NALF1: variants seen among roughly 807,000 people sequenced by gnomAD.
NALF1 encodes NALCN channel auxiliary factor 1.
NALF1 carries 3 observed loss-of-function variants against 48.4 expected under a neutral mutation model. That is an observed-to-expected ratio of 0.06 (90% CI 0.03 to 0.16). NALF1 has a LOEUF of 0.16. NALF1 is among the 10% of genes least tolerant of loss of function. The pLI, the probability that NALF1 is intolerant of heterozygous loss-of-function variation, is 1.00. For missense variants in NALF1, 526 were observed against 571.5 expected, an observed-to-expected ratio of 0.92 and a Z score of 0.81; for synonymous variants, 262 against 245.7, an observed-to-expected ratio of 1.07 and a Z score of -0.62.
At chr13:107,432,907 T>C (rs1884405543) in intron 1 of NALF1, among the ~76,000 whole-genome samples, 1 of 152,192 alleles carries the variant, frequency 6.6e-6, no homozygotes. Flanking sequence ...TAACTTATGG[T>C]AAATTAGACA....
chr13:107,501,259 C>G (rs1875511787), intron 1 of NALF1, among the ~76,000 whole-genome samples: 1 of 152,076 alleles, frequency 6.6e-6, no homozygotes, highest in Non-Finnish European at 1.5e-5. Context: ...GAGGCTCCAC[C>G]CTCACGACAC....
intron 2 of NALF1, among the ~76,000 whole-genome samples, chr13:107,178,414 A>T (rs144893922): frequency 1.3e-5 from 2 of 152,364 alleles, no homozygotes; most frequent in African/African-American, 4.8e-5. Context: ...GACATTTCTC[A>T]AAAGGAGACA....
At chr13:107,431,228 G>C (rs1229102731) in intron 1 of NALF1, among the ~76,000 whole-genome samples, 5 of 152,032 alleles carry the variant, frequency 3.3e-5, no homozygotes, top group Non-Finnish European at 5.9e-5. Context: ...TCTTCATGTT[G>C]TCCTAATAAA....
At chr13:107,718,274 G>A (rs565824849) in intron 1 of NALF1, among the ~76,000 whole-genome samples, 8 of 152,200 alleles carry the variant, frequency 5.3e-5, no homozygotes, top group East Asian at 1.9e-4. Context: ...ATGCAGTTCC[G>A]GATAAGATTG....
chr13:107,802,689 A>G (rs1226207396), intron 1 of NALF1, among the ~76,000 whole-genome samples: 1 of 152,140 alleles, frequency 6.6e-6, no homozygotes, highest in African/African-American at 2.4e-5. Flanking sequence ...AGTGTGTAAT[A>G]CCCAGCATGA....
chr13:107,353,461 T>C (rs895292110), intron 1 of NALF1, among the ~76,000 whole-genome samples: 2 of 152,236 alleles, frequency 1.3e-5, no homozygotes, highest in African/African-American at 4.8e-5. Context: ...CATTGCCACC[T>C]GGCAAAGTTC....
intron 1 of NALF1, among the ~76,000 whole-genome samples, chr13:107,524,636 C>T (rs1221718880): frequency 2.0e-5 from 3 of 152,012 alleles, no homozygotes; most frequent in Non-Finnish European, 2.9e-5. Flanking sequence ...AACATTTTGC[C>T]TCCCAAAGCC....
intron 1 of NALF1, among the ~76,000 whole-genome samples, chr13:107,760,914 G>A (rs911360660): frequency 1.3e-5 from 2 of 152,184 alleles, no homozygotes; most frequent in East Asian, 3.8e-4. Context: ...GAAGAAAGGA[G>A]CTAATAGTTA....
intron 1 of NALF1, among the ~76,000 whole-genome samples, chr13:107,656,047 C>G (rs533132896): frequency 6.6e-6 from 1 of 151,606 alleles, no homozygotes; most frequent in South Asian, 2.1e-4. Context: ...GACCTGAAAT[C>G]ATAAAGATTC....
At chr13:107,292,093 G>C (rs1024394416) in intron 1 of NALF1, among the ~76,000 whole-genome samples, 2 of 152,166 alleles carry the variant, frequency 1.3e-5, no homozygotes, top group Non-Finnish European at 2.9e-5. Flanking sequence ...ACATTCCCAG[G>C]CTATATGGCA....
chr13:107,627,014 T>C lies in NALF1; in HGVS notation c.915+238668A>G, dbSNP rs114432441. On this transcript the variant is annotated intron_variant, in intron 1 of 2. Coordinates refer to ENST00000375915, the MANE Select transcript of NALF1 (RefSeq NM_001080396.3). ...GCACATTGTTCCTCATTCTTCTCTA[T>C]GACATTATACAAGGAGCAATTCTCC... is the stretch of plus-strand genomic sequence containing the variant. 5.0e-3 allele frequency among the ~76,000 whole-genome samples: 765 copies of C among 152,218 alleles called. 11 individuals carry two copies. The highest frequency in any genetic ancestry group is 0.018 in the African/African-American group (742 of 41,560).
chr13:107,419,366 T>C (rs1884146120), intron 1 of NALF1, among the ~76,000 whole-genome samples: 2 of 152,378 alleles, frequency 1.3e-5, no homozygotes, highest in African/African-American at 4.8e-5. Context: ...CCAGGCAGTT[T>C]TCTGCATATA....
At chr13:107,464,460 T>C (rs1301773590) in intron 1 of NALF1, among the ~76,000 whole-genome samples, 1 of 152,208 alleles carries the variant, frequency 6.6e-6, no homozygotes, top group Non-Finnish European at 1.5e-5. Context: ...ACGACTTTTA[T>C]ATGGATTTTT....
At chr13:107,704,078 T>G (rs926640585) in intron 1 of NALF1, among the ~76,000 whole-genome samples, 2 of 152,158 alleles carry the variant, frequency 1.3e-5, no homozygotes, top group African/African-American at 4.8e-5. Context: ...TCCAGTGCTG[T>G]TCTCAATGCA....
At chr13:107,461,543 C>G (rs1884918616) in intron 1 of NALF1, among the ~76,000 whole-genome samples, 2 of 152,130 alleles carry the variant, frequency 1.3e-5, no homozygotes, top group Non-Finnish European at 2.9e-5. Context: ...CACTTCCTAC[C>G]ACCATGATGT....
intron 1 of NALF1, among the ~76,000 whole-genome samples, chr13:107,854,307 C>T (rs1221200550): frequency 1.3e-5 from 2 of 152,202 alleles, no homozygotes; most frequent in African/African-American, 4.8e-5. Flanking sequence ...CATTTTCATG[C>T]TTGTGGCCTC....
chr13:107,679,702 T>C (rs1881227729), intron 1 of NALF1, among the ~76,000 whole-genome samples: 1 of 152,114 alleles, frequency 6.6e-6, no homozygotes, highest in Non-Finnish European at 1.5e-5. Context: ...TGCTGCACCA[T>C]GGGCAACCTG....
intron 1 of NALF1, among the ~76,000 whole-genome samples, chr13:107,274,885 A>C (rs1317423969): frequency 6.6e-6 from 1 of 152,180 alleles, no homozygotes; most frequent in African/African-American, 2.4e-5. Context: ...AGCCAAAAAA[A>C]TAAGAAGAGA....
chr13:107,366,697 A>T lies in NALF1; in HGVS notation c.916-155942T>A, dbSNP rs975591069. 3.3e-5 allele frequency among the ~76,000 whole-genome samples: 5 copies of T among 152,336 alleles called. No individual in the cohort carries two copies. The South Asian group carries it at 1.0e-3, about 32-fold the overall frequency. ...AAACAACAGTGGCTAAGCAATACAG[A>T]AGTTTCAATAGTTCTCATTTAGTCG... On this transcript the variant is annotated intron_variant, in intron 1 of 2. Coordinates refer to ENST00000375915, the MANE Select transcript of NALF1 (RefSeq NM_001080396.3).
Sources: allele counts gnomAD v4.1 joint callset (sites outside exome capture counted in the v4.1 genomes callset), GRCh38; gene constraint gnomAD v4.1.1; transcripts MANE v1.5; gene names NCBI Gene and HGNC (gene_info 2026-07-23, HGNC 2026-07-21).